The following POLK variants were observed in gnomAD, a reference collection of about 807,000 sequenced individuals.
POLK encodes the protein DNA polymerase kappa, also known as polymerase (DNA directed) kappa.
A neutral mutation model predicts 94.0 loss-of-function variants in POLK; 76 were observed. That is an observed-to-expected ratio of 0.81 (90% CI 0.67 to 0.98). POLK has a LOEUF of 0.98. POLK is among the 50% of genes least tolerant of loss of function. POLK has a pLI of 0.00. For synonymous variants in POLK, 349 were observed against 325.4 expected, an observed-to-expected ratio of 1.07 and a Z score of -0.78; for missense variants, 954 against 1,010.1, an observed-to-expected ratio of 0.94 and a Z score of 0.75.
At chr5:75,550,355 GATC>G (rs1457173177) in intron 2 of POLK, among the ~76,000 whole-genome samples, 1 of 152,176 alleles carries the variant, frequency 6.6e-6, no homozygotes, top group Non-Finnish European at 1.5e-5. Flanking sequence ...GAGGTGGGTG[GATC>G]ACCGGAGGTC....
intron 1 of POLK, among the ~76,000 whole-genome samples, chr5:75,513,186 A>T (rs1052007305): frequency 1.3e-5 from 2 of 152,130 alleles, no homozygotes; most frequent in Non-Finnish European, 2.9e-5. Flanking sequence ...GCCAATATTT[A>T]TCTTGCTTTC....
At chr5:75,589,388 TAC>T (rs71600465) in intron 10 of POLK, among the ~76,000 whole-genome samples, 9,065 of 128,220 alleles carry the variant, frequency 0.071, 338 homozygotes, top group Middle Eastern at 0.099. Flanking sequence ...TATACACACA[TAC>T]ACACACACAC....
exon 7 of POLK, chr5:75,581,308 A>T: frequency 1.2e-6 from 2 of 1,613,844 alleles, no homozygotes; most frequent in Non-Finnish European, 1.7e-6. Flanking sequence ...CCCCCAGGAG[A>T]TCCTTTCCAA....
rs1357661873 is a variant in POLK at position 75,542,254 on chromosome 5, A to C, written c.-13-4756A>C. Reference sequence around the variant, plus strand: ...ATATTAGAAATAGGAAACAAGCTCCACCTAGGAACTTACTGTAGTTTAGCC... The same window carrying C: ...ATATTAGAAATAGGAAACAAGCTCCCCCTAGGAACTTACTGTAGTTTAGCC... On this transcript the variant is annotated intron_variant, in intron 1 of 14. Coordinates refer to ENST00000241436, the Ensembl canonical transcript of POLK. Among the ~76,000 whole-genome samples the C allele has an allele frequency of 2.0e-5, 3 of 152,096 alleles. No homozygotes were observed. In the East Asian group the frequency reaches 5.8e-4, roughly 29 times the overall value.
chr5:75,593,202 G>C (rs1241566237), intron 11 of POLK, among the ~76,000 whole-genome samples: 1 of 151,842 alleles, frequency 6.6e-6, no homozygotes, highest in Non-Finnish European at 1.5e-5. Context: ...TGTGATCTCG[G>C]CTCAATGCAA....
intron 13 of POLK, 167 bp downstream of exon 13, chr5:75,597,345 G>C: frequency 3.6e-6 from 2 of 553,316 alleles, no homozygotes; most frequent in Non-Finnish European, 6.4e-6. Context: ...ATTAACTCAA[G>C]CCTGTAGATT....
chr5:75,596,549 G>T, exon 13 of POLK: 1 of 1,613,860 alleles, frequency 6.2e-7, no homozygotes, highest in Non-Finnish European at 8.5e-7. Context: ...TCAGATGACT[G>T]TCAGATACTT....
upstream of POLK, chr5:75,511,454 C>T: frequency 1.3e-6 from 2 of 1,532,564 alleles, no homozygotes; most frequent in South Asian, 1.2e-5. Context: ...CCGCCGCCGC[C>T]GTCGCCGTGA....
Position 75,579,630 on chromosome 5 carries a change from T to A in POLK, c.695-1579T>A, listed in dbSNP as rs533385807. 4.6e-5 allele frequency among the ~76,000 whole-genome samples: 7 copies of A among 152,068 alleles called. No homozygotes were observed. The South Asian group carries it at 1.5e-3, about 32-fold the overall frequency. Reference sequence around the variant, plus strand: ...ACCTCAGCTTCCCAAAGTGCTGGGATTACAGACGTGAGCCACCTTGCCTGG... The same window carrying A: ...ACCTCAGCTTCCCAAAGTGCTGGGAATACAGACGTGAGCCACCTTGCCTGG... On this transcript the variant is annotated intron_variant, in intron 6 of 14. Transcript: ENST00000241436.
At chr5:75,604,458 C>A (rs1773371844), downstream of POLK, among the ~76,000 whole-genome samples, 1 of 152,190 alleles carries the variant, frequency 6.6e-6, no homozygotes, top group African/African-American at 2.4e-5. Context: ...CTCACTGCAG[C>A]CTGGAACTCT....
chr5:75,570,018 T>G (rs1771509756), intron 4 of POLK, among the ~76,000 whole-genome samples: 1 of 152,198 alleles, frequency 6.6e-6, no homozygotes, highest in Non-Finnish European at 1.5e-5. Context: ...AGTTGTGTAA[T>G]TATTTCATTA....
At chr5:75,554,538 T>C (rs5744621) in intron 3 of POLK, among the ~76,000 whole-genome samples, 33,771 of 151,880 alleles carry the variant, frequency 0.22, 3,899 homozygotes, top group South Asian at 0.4. Flanking sequence ...GGTACATGTG[T>C]AGGTTTGTTA....
At chr5:75,546,116 C>A (rs1017110399) in intron 1 of POLK, among the ~76,000 whole-genome samples, 3 of 152,076 alleles carry the variant, frequency 2.0e-5, no homozygotes, top group Non-Finnish European at 4.4e-5. Context: ...ATTTTTGACT[C>A]CTGAAGAACG....
Position 75,539,931 on chromosome 5 carries a change from T to C in POLK, c.-13-7079T>C, listed in dbSNP as rs186808918. 7.9e-5 allele frequency among the ~76,000 whole-genome samples: 12 copies of C among 152,324 alleles called. No homozygotes were observed. In the East Asian group the frequency reaches 2.3e-3, roughly 29 times the overall value. ...GTAGAACAGAGATCTAAGGAAATAT[T>C]TGAGATTTTTATCTAAAATTTCATT... On this transcript the variant is annotated intron_variant, in intron 1 of 14. Transcript: ENST00000241436.
intron 1 of POLK, among the ~76,000 whole-genome samples, chr5:75,530,458 G>A (rs1226155932): frequency 1.6e-5 from 2 of 128,816 alleles, no homozygotes; most frequent in African/African-American, 6.0e-5. Flanking sequence ...AGGCTGGAGT[G>A]CATTGGCATG....
intron 5 of POLK, 132 bp from the exon 6 acceptor site, chr5:75,576,648 C>G (rs1313504884): frequency 2.3e-6 from 1 of 428,450 alleles, no homozygotes; most frequent in Non-Finnish European, 4.2e-6. Context: ...TTCCTTAAAT[C>G]CATGAACTAT....
chr5:75,511,202 C>T (rs138699646), upstream of POLK: 214 of 1,613,076 alleles, frequency 1.3e-4, 1 homozygote, highest in Admixed American at 9.5e-4. Flanking sequence ...TCTGATTATC[C>T]GACATGGAGG....
rs1009531681 is a variant in POLK, at chr5:75,511,925, C to T, written c.-14+11C>T. 3 of 1,154,284 alleles carry T rather than the reference C, an allele frequency of 2.6e-6. No individual in the cohort carries two copies. The Admixed American group carries it at 7.7e-5, about 29-fold the overall frequency. The allele number at this position is 1,154,284 out of a possible 1,614,324, so 71.5% of individuals were successfully genotyped here. A position where few individuals can be genotyped will look rare whatever the true frequency, so the allele number is the denominator to read the frequency against. On this transcript the variant is annotated intron_variant, in intron 1 of 14. Coordinates refer to ENST00000241436, the Ensembl canonical transcript of POLK. ...ATCCTGAGGTAACGGGTGAGTATCC[C>T]GCGCGGGGATCGCTTGTCCCCTTGG...
At chr5:75,565,101 C>G (rs1258871315) in intron 3 of POLK, among the ~76,000 whole-genome samples, 1 of 151,990 alleles carries the variant, frequency 6.6e-6, no homozygotes, top group African/African-American at 2.4e-5. Context: ...TTTCTCTAAC[C>G]TTGTCTTCAT....
Sources: gnomAD v4.1 joint callset for allele counts (sites outside exome capture counted in the v4.1 genomes callset) on GRCh38, gnomAD v4.1.1 for gene constraint, MANE v1.5 for transcripts, NCBI Gene and HGNC (gene_info 2026-07-23, HGNC 2026-07-21) for gene names.